Variants in CLSTN1 observed in about 807,000 individuals in gnomAD.
CLSTN1 encodes the protein calsyntenin 1.
CLSTN1 carries 28 observed loss-of-function variants against 108.3 expected under a neutral mutation model. The ratio of observed to expected loss-of-function variants is 0.26; its 90% CI spans 0.19 to 0.35. The LOEUF is 0.35. Ranked by LOEUF, CLSTN1 falls within the 10% of genes least tolerant of loss-of-function variation. The probability of loss-of-function intolerance (pLI) is 1.00; values close to 1 mark genes in which losing one functional copy is unlikely to be tolerated. For synonymous variants in CLSTN1, 524 were observed against 534.9 expected, an observed-to-expected ratio of 0.98 and a Z score of 0.28; for missense variants, 1,157 against 1,302.6, an observed-to-expected ratio of 0.89 and a Z score of 1.72.
chr1:9,762,391 G>GCGTT (rs1208210998), intron 2 of CLSTN1, among the ~76,000 whole-genome samples: 2 of 151,762 alleles, frequency 1.3e-5, no homozygotes, highest in African/African-American at 4.8e-5. Context: ...AACCCGGGAG[G>GCGTT]CAGAAGTTGC....
chr1:9,743,813 C>T, intron 9 of CLSTN1, 71 bp downstream of exon 9: 1 of 1,563,064 alleles, frequency 6.4e-7, no homozygotes, highest in East Asian at 2.3e-5. Flanking sequence ...GTGCCCCAGC[C>T]TCCCAAAGTG....
chr1:9,809,459 G>C (rs917866015), intron 1 of CLSTN1, among the ~76,000 whole-genome samples: 1 of 152,108 alleles, frequency 6.6e-6, no homozygotes, highest in African/African-American at 2.4e-5. Flanking sequence ...GCCTCTCCTC[G>C]GTACTCATGC....
At chr1:9,804,467 G>GAGCAGC (rs930246808) in intron 1 of CLSTN1, among the ~76,000 whole-genome samples, 3 of 152,058 alleles carry the variant, frequency 2.0e-5, no homozygotes, top group African/African-American at 7.2e-5. Flanking sequence ...GCCTCCCTGG[G>GAGCAGC]AGCAGCAGCA....
intron 10 of CLSTN1, among the ~76,000 whole-genome samples, chr1:9,739,335 T>C (rs566732076): frequency 6.6e-6 from 1 of 152,362 alleles, no homozygotes; most frequent in South Asian, 2.1e-4. Context: ...ACACCACTGT[T>C]GGACCTGCTG....
Position 9,741,187 on chromosome 1 carries a change from C to T in CLSTN1, c.1426G>A (p.Gly476Ser). The change falls in exon 10 of 19, where the codon GGC becomes AGC. Residue 476 changes from glycine to serine, a missense_variant. Transcript: ENST00000377298. The part of the protein sequence containing the change: ...EFPSVTLYVD[G>S]TSHEPFSVTE... ...ACAGAGAAGGGCTCGTGGGACGTGC[C>T]ATCCACATAGAGAGTCACACTCGGG... The T allele has an allele frequency of 1.9e-6, 3 of 1,614,088 alleles. No individual in the cohort carries two copies. In the East Asian group the frequency reaches 6.7e-5, roughly 36 times the overall value.
At chr1:9,737,443 C>G (rs1650753180) in intron 11 of CLSTN1, 55 bp downstream of exon 11, 1 of 1,500,176 alleles carries the variant, frequency 6.7e-7, no homozygotes, top group African/African-American at 1.4e-5. Context: ...TGGAATGAAT[C>G]AGTCTCATCT....
intron 16 of CLSTN1, among the ~76,000 whole-genome samples, chr1:9,732,565 C>A (rs1189192862): frequency 6.6e-6 from 1 of 152,230 alleles, no homozygotes; most frequent in Admixed American, 6.5e-5. Context: ...ACAAAACAGG[C>A]ACCGAATTTA....
intron 7 of CLSTN1, among the ~76,000 whole-genome samples, chr1:9,746,166 C>A (rs1441125415): frequency 2.0e-5 from 3 of 152,134 alleles, no homozygotes; most frequent in Non-Finnish European, 4.4e-5. Flanking sequence ...ATAAACCTCA[C>A]CTGCATGCAC....
At chr1:9,779,458 G>A (rs1473418487) in intron 1 of CLSTN1, among the ~76,000 whole-genome samples, 4 of 152,110 alleles carry the variant, frequency 2.6e-5, no homozygotes, top group African/African-American at 9.7e-5. Flanking sequence ...TCAGGAGGCT[G>A]AGGCAGGAGA....
At chr1:9,737,077 CA>C (rs575605558) in intron 11 of CLSTN1, among the ~76,000 whole-genome samples, 19 of 144,676 alleles carry the variant, frequency 1.3e-4, no homozygotes, top group African/African-American at 1.8e-4. Flanking sequence ...CATCTCAAAA[CA>C]AAAAAAAAAG....
chr1:9,788,469 G>A (rs1653597636), intron 1 of CLSTN1, among the ~76,000 whole-genome samples: 1 of 151,172 alleles, frequency 6.6e-6, no homozygotes, highest in Admixed American at 6.7e-5. Flanking sequence ...TTGGGAGACT[G>A]AGGCAGGACA....
intron 7 of CLSTN1, among the ~76,000 whole-genome samples, chr1:9,747,388 A>G (rs918193499): frequency 1.3e-5 from 2 of 152,154 alleles, no homozygotes; most frequent in Non-Finnish European, 2.9e-5. Flanking sequence ...GGTGACAATT[A>G]TGAATATTTG....
chr1:9,805,866 C>CAAAA (rs56899514), intron 1 of CLSTN1, among the ~76,000 whole-genome samples: 1 of 74,856 alleles, frequency 1.3e-5, no homozygotes, highest in Non-Finnish European at 3.0e-5. Context: ...GACTCTGTCT[C>CAAAA]AAAAAAAAAA....
At chr1:9,795,682 G>A (rs948330434) in intron 1 of CLSTN1, among the ~76,000 whole-genome samples, 1 of 151,400 alleles carries the variant, frequency 6.6e-6, no homozygotes, top group Non-Finnish European at 1.5e-5. Context: ...GGCTGGGTGC[G>A]GTGGCTCATG....
At chr1:9,737,260 G>A (rs970644561) in intron 11 of CLSTN1, among the ~76,000 whole-genome samples, 8 of 16,450 alleles carry the variant, frequency 4.9e-4, no homozygotes, top group Admixed American at 3.4e-3. Context: ...AAACTGGATG[G>A]GGGGGGAAGT....
chr1:9,756,558 A>G lies in CLSTN1; in HGVS notation c.215-48T>C, dbSNP rs778902368. 3 of 1,546,460 alleles carry G rather than the reference A, an allele frequency of 1.9e-6. No homozygotes were observed. The South Asian group carries it at 3.4e-5, about 17-fold the overall frequency. On this transcript the variant is annotated intron_variant, in intron 2 of 18. Coordinates refer to ENST00000377298, the MANE Select transcript of CLSTN1 (RefSeq NM_001009566.3). ...CATGTCAGTAATACAGGAAAGAATGAAGATGGAATACACTAAGGAAAAAAG... is the reference window on the plus strand; with the variant it reads ...CATGTCAGTAATACAGGAAAGAATGGAGATGGAATACACTAAGGAAAAAAG...
rs75701906 is a variant in CLSTN1, at chr1:9,733,300, A to G, written c.2427+101T>C. 8,814 of 1,441,008 alleles carry G rather than the reference A, an allele frequency of 6.1e-3. 160 individuals are homozygous for G. Among genetic ancestry groups the G allele is most frequent in the East Asian group, 0.048 (2,082 of 43,556 alleles). 89.3% of individuals were successfully genotyped at this position (1,441,008 alleles called of 1,614,324 possible). A position where few individuals can be genotyped will look rare whatever the true frequency, so the allele number is the denominator to read the frequency against. On this transcript the variant is annotated intron_variant, in intron 16 of 18. Transcript: ENST00000377298. ...AGAATGAGCCTGTATAGCTGCCATC[A>G]TGAATGCTCTGAGGTTGGCGTTTGT...
In CLSTN1 at chr1:9,730,580, C is replaced by T. The variant is rs1650308502; in HGVS notation, c.2874G>A (p.Gly958=). The stretch of plus-strand genomic sequence containing the variant: ...TTGCGTTCTGGGGGTCGCCCTGCTC[C>T]CCCTCCTCCTCCTCGCTGCTCTCCG... ...AESESSEEEE[G]EQGDPQNATR... Residue 958 remains glycine, a synonymous_variant, in exon 19 of 19, where the codon GGG becomes GGA. Coordinates refer to ENST00000377298, the MANE Select transcript of CLSTN1 (RefSeq NM_001009566.3). This position sits in a 1 kb window ranked among gnomAD's most constrained non-coding sequence, Gnocchi z 5.6. 6 of 1,609,478 alleles carry T rather than the reference C, an allele frequency of 3.7e-6. No homozygotes were observed. In the East Asian group the frequency reaches 6.7e-5, roughly 18 times the overall value.
In CLSTN1 at chr1:9,794,003, G is replaced by A. The variant is rs769387389; in HGVS notation, c.92-20609C>T. 4.6e-5 allele frequency among the ~76,000 whole-genome samples: 7 copies of A among 151,314 alleles called. No individual in the cohort carries two copies. In the East Asian group the frequency reaches 5.9e-4, roughly 13 times the overall value. ...TAGAACTCTCCCGCTCCAACTTCCC[G>A]TTTCTTCACAGCCCCACTAACACTG... is the stretch of plus-strand genomic sequence containing the variant. On this transcript the variant is annotated intron_variant, in intron 1 of 18. Transcript: ENST00000377298.
Sources: gnomAD v4.1 joint callset for allele counts (sites outside exome capture counted in the v4.1 genomes callset) on GRCh38, gnomAD v4.1.1 for gene constraint, Gnocchi (gnomAD v3.1) non-coding constraint, MANE v1.5 for transcripts, NCBI Gene and HGNC (gene_info 2026-07-23, HGNC 2026-07-21) for gene names.